Variants in RARB observed in about 807,000 individuals in gnomAD.
RARB encodes HBV-activated protein.
RARB carries 17 observed loss-of-function variants against 51.9 expected under a neutral mutation model. That is an observed-to-expected ratio of 0.33 (90% CI 0.22 to 0.49). RARB has a LOEUF of 0.49. Ranked by LOEUF, RARB falls within the 20% of genes least tolerant of loss-of-function variation. RARB has a pLI of 0.99. For missense variants in RARB, 369 were observed against 550.8 expected (o/e 0.67, Z 3.30); for synonymous variants, 215 against 195.4 (o/e 1.10, Z -0.84).
intron 5 of RARB, among the ~76,000 whole-genome samples, chr3:25,265,472 T>G (rs1329648873): frequency 1.3e-5 from 2 of 152,118 alleles, no homozygotes; most frequent in African/African-American, 2.4e-5. Context: ...AAACCACATA[T>G]TTTTGTTGTC....
chr3:25,142,599 T>G (rs1352013946), intron 4 of RARB, among the ~76,000 whole-genome samples: 1 of 152,140 alleles, frequency 6.6e-6, no homozygotes, highest in African/African-American at 2.4e-5. Flanking sequence ...TTTTTTTTTT[T>G]TTTGGTAAAT....
chr3:24,858,709 T>G (rs563628712), exon 2 of RARB: 1 of 152,282 alleles, frequency 6.6e-6, no homozygotes, highest in Admixed American at 6.5e-5. Context: ...CAGTCACCAG[T>G]CCTGCTCATC....
intron 2 of RARB, among the ~76,000 whole-genome samples, chr3:24,895,956 C>G (rs1703470215): frequency 6.6e-6 from 1 of 152,098 alleles, no homozygotes; most frequent in Non-Finnish European, 1.5e-5. Context: ...AAAGTGGAAA[C>G]AAATCATATC....
chr3:25,472,883 A>G (rs1695765773), intron 2 of RARB, among the ~76,000 whole-genome samples: 1 of 152,202 alleles, frequency 6.6e-6, no homozygotes, highest in African/African-American at 2.4e-5. Context: ...TTACCCCAGA[A>G]AATCCCTTTG....
Position 25,137,515 on chromosome 3 carries a change from T to C in RARB, c.-280+5307T>C, listed in dbSNP as rs184697885. ...CCAGTGAAATTAGTTTGGTCAGATATAGAAAAAGCAAAGGAGTTTTGATTT... is the reference window on the plus strand; with the variant it reads ...CCAGTGAAATTAGTTTGGTCAGATACAGAAAAAGCAAAGGAGTTTTGATTT... On this transcript the variant is annotated intron_variant, in intron 4 of 11. Transcript: ENST00000383772. Among the ~76,000 whole-genome samples, 50 of 152,198 alleles carry C rather than the reference T, an allele frequency of 3.3e-4. No individual in the cohort carries two copies. The East Asian group carries it at 9.7e-3, about 29-fold the overall frequency.
In RARB at chr3:24,912,972, A is replaced by ATT. The variant is rs71622787; in HGVS notation, c.-380+54221_-380+54222dup. Among the ~76,000 whole-genome samples, 73 of 57,616 alleles carry ATT rather than the reference A, an allele frequency of 1.3e-3. 6 individuals carry two copies. Among genetic ancestry groups the ATT allele is most frequent in the East Asian group, 2.0e-3 (4 of 2,028 alleles). The allele number at this position is 57,616 out of a possible 152,430, so 37.8% of individuals were successfully genotyped here. On this transcript the variant is annotated intron_variant, in intron 2 of 11. Coordinates refer to the RARB transcript ENST00000383772. Reference sequence around the variant, plus strand: ...GTGGCAATACGCACACAAGGTACTGATTCTTTTTTTTTTTTTTTTTTTTTT... The same window carrying ATT: ...GTGGCAATACGCACACAAGGTACTGATTTTCTTTTTTTTTTTTTTTTTTTTTT...
chr3:25,463,484 G>T (rs897432720), intron 2 of RARB, among the ~76,000 whole-genome samples: 5 of 152,074 alleles, frequency 3.3e-5, no homozygotes, highest in African/African-American at 1.2e-4. Context: ...CCAAAATGGT[G>T]AAACCCCATC....
At chr3:25,176,993 A>G (rs955374866) in intron 5 of RARB, among the ~76,000 whole-genome samples, 9 of 152,204 alleles carry the variant, frequency 5.9e-5, no homozygotes, top group African/African-American at 1.9e-4. Context: ...CCTTGTAAGG[A>G]GAGTGCTAAG....
Position 25,075,674 on chromosome 3 carries a change from GAA to G in RARB, c.-328+15511_-328+15512del, listed in dbSNP as rs35084793. 4.1e-3 allele frequency among the ~76,000 whole-genome samples: 589 copies of G among 145,318 alleles called. 2 individuals are homozygous for G. Among genetic ancestry groups the G allele is most frequent in the African/African-American group, 0.012 (492 of 39,426 alleles). The stretch of plus-strand genomic sequence containing the variant: ...CATTTAGTGAGAGAATTGTCCTCAG[GAA>G]AAAAAAAAAAAACCTGTAAAAGCAA... On this transcript the variant is annotated intron_variant, in intron 3 of 11. Transcript: ENST00000383772.
At chr3:24,871,616 C>G (rs540668899) in intron 2 of RARB, among the ~76,000 whole-genome samples, 1 of 152,160 alleles carries the variant, frequency 6.6e-6, no homozygotes, top group Admixed American at 6.6e-5. Flanking sequence ...GTTTGTCTTG[C>G]ATTCAATGTT....
chr3:25,591,548 T>C (rs544921097), intron 5 of RARB, among the ~76,000 whole-genome samples: 1 of 152,384 alleles, frequency 6.6e-6, no homozygotes, highest in South Asian at 2.1e-4. Flanking sequence ...CAAATCATTC[T>C]ACTAGCTTAT....
chr3:25,212,884 T>G (rs1701732503), intron 5 of RARB, among the ~76,000 whole-genome samples: 1 of 152,180 alleles, frequency 6.6e-6, no homozygotes, highest in Admixed American at 6.6e-5. Context: ...AGTAAAAATC[T>G]TAATTACCAA....
chr3:25,395,369 A>G (rs554965874), intron 5 of RARB, among the ~76,000 whole-genome samples: 273 of 152,234 alleles, frequency 1.8e-3, no homozygotes, highest in Non-Finnish European at 1.7e-3. Context: ...CTTGATGACT[A>G]TGTGCATAGG....
At chr3:24,892,774 T>C (rs1703410702) in intron 2 of RARB, among the ~76,000 whole-genome samples, 1 of 152,204 alleles carries the variant, frequency 6.6e-6, no homozygotes, top group Non-Finnish European at 1.5e-5. Context: ...ACATATACTA[T>C]TACAAGAAAT....
chr3:24,912,975 C>CTTTTTTTTTTTTTTTTTTTTATTTTTTTT (rs1695023927), intron 2 of RARB, among the ~76,000 whole-genome samples: 1 of 75,066 alleles, frequency 1.3e-5, no homozygotes, highest in Admixed American at 2.3e-4. Context: ...GGTACTGATT[C>CTTTTTTTTTTTTTTTTTTTTATTTTTTTT]TTTTTTTTTT....
At chr3:24,845,552 T>A (rs1702476201) in intron 1 of RARB, among the ~76,000 whole-genome samples, 1 of 152,164 alleles carries the variant, frequency 6.6e-6, no homozygotes, top group Admixed American at 6.5e-5. Context: ...TAAATCTGAA[T>A]CCTATGGCCA....
intron 5 of RARB, among the ~76,000 whole-genome samples, chr3:25,293,074 A>T (rs1014026350): frequency 6.6e-6 from 1 of 152,200 alleles, no homozygotes; most frequent in Non-Finnish European, 1.5e-5. Context: ...ACAAAAGATT[A>T]GCTCTCCTAG....
chr3:25,451,500 T>C (rs540578893), intron 1 of RARB, among the ~76,000 whole-genome samples: 10 of 152,228 alleles, frequency 6.6e-5, no homozygotes, highest in Admixed American at 5.2e-4. Flanking sequence ...ATTTTGAGGC[T>C]GTTCATATGG....
At chr3:25,525,782 G>A (rs918948040) in intron 3 of RARB, among the ~76,000 whole-genome samples, 7 of 152,052 alleles carry the variant, frequency 4.6e-5, no homozygotes, top group East Asian at 1.9e-4. Context: ...GGAGGTAAAG[G>A]GGTCTATTTT....
Sources: allele counts gnomAD v4.1 joint callset (sites outside exome capture counted in the v4.1 genomes callset), GRCh38; gene constraint gnomAD v4.1.1; transcripts MANE v1.5; gene names NCBI Gene and HGNC (gene_info 2026-07-23, HGNC 2026-07-21).